DIS3L2: variants seen among roughly 807,000 people sequenced by gnomAD.
DIS3L2 encodes the protein DIS3-like exonuclease 2.
Under a neutral mutation model 97.5 loss-of-function variants are expected in DIS3L2, and 34 were observed. That is an observed-to-expected ratio of 0.35 (90% confidence interval 0.27 to 0.46). The LOEUF is 0.46. DIS3L2 is among the 20% of genes least tolerant of loss of function. The pLI, the probability that DIS3L2 is intolerant of heterozygous loss-of-function variation, is 1.00. For synonymous variants in DIS3L2, 435 were observed against 445.2 expected (o/e 0.98, Z 0.29); for missense variants, 1,038 against 1,146.0 (o/e 0.91, Z 1.36).
chr2:232,214,582 C>G (rs1692281501), intron 10 of DIS3L2, among the ~76,000 whole-genome samples: 1 of 152,170 alleles, frequency 6.6e-6, no homozygotes, highest in South Asian at 2.1e-4. Flanking sequence ...GTGAGCCCAT[C>G]TCCCATGTCA....
chr2:232,186,100 G>A (rs1691423397), intron 9 of DIS3L2, among the ~76,000 whole-genome samples: 1 of 152,034 alleles, frequency 6.6e-6, no homozygotes, highest in Admixed American at 6.5e-5. Flanking sequence ...CAAAGTGCTG[G>A]GATTATAGGC....
intron 9 of DIS3L2, among the ~76,000 whole-genome samples, chr2:232,183,979 G>A (rs147900998): frequency 2.9e-3 from 447 of 152,278 alleles, no homozygotes; most frequent in African/African-American, 9.8e-3. Context: ...TTTAAGGCTG[G>A]AGAGAGAGAT....
intron 19 of DIS3L2, 153 bp from the exon 20 acceptor site, chr2:232,335,620 C>T: frequency 1.2e-6 from 1 of 804,692 alleles, no homozygotes; most frequent in East Asian, 2.7e-5. Context: ...TGAAGGTGGC[C>T]TGGCAGGGCC....
intron 5 of DIS3L2, among the ~76,000 whole-genome samples, chr2:232,036,493 A>T (rs1405862364): frequency 2.0e-5 from 3 of 152,102 alleles, no homozygotes; most frequent in Non-Finnish European, 2.9e-5. Flanking sequence ...GGAGTTTGTT[A>T]TTACCCACTT....
At chr2:231,971,486 C>T (rs961100699) in intron 1 of DIS3L2, among the ~76,000 whole-genome samples, 3 of 150,778 alleles carry the variant, frequency 2.0e-5, no homozygotes, top group East Asian at 2.0e-4. Flanking sequence ...CTCGCACTCT[C>T]GCCCAGGCTG....
chr2:232,257,013 G>C lies in DIS3L2; in HGVS notation c.1426-6194G>C, dbSNP rs140998252. ...GGCACCTGTAGTCCCAGCTACTTGG[G>C]AGGCTGAGGCAGGAGAATTGCTTGA... On this transcript the variant is annotated intron_variant, in intron 12 of 20. Transcript: ENST00000325385. Among the ~76,000 whole-genome samples, 229 of 152,296 alleles carry C rather than the reference G, an allele frequency of 1.5e-3. 4 individuals are homozygous for C. Among genetic ancestry groups the C allele is most frequent in the African/African-American group, 5.3e-3 (221 of 41,564 alleles).
chr2:232,005,313 A>G (rs1159615908), intron 1 of DIS3L2, among the ~76,000 whole-genome samples: 1 of 151,120 alleles, frequency 6.6e-6, no homozygotes, highest in African/African-American at 2.4e-5. Flanking sequence ...TTAGGCCTTT[A>G]TAATGTTGCG....
intron 6 of DIS3L2, among the ~76,000 whole-genome samples, chr2:232,090,985 T>G (rs2106313445): frequency 6.6e-6 from 1 of 152,346 alleles, no homozygotes; most frequent in South Asian, 2.1e-4. Context: ...CAGTAGTTTC[T>G]TTGAGGACGA....
At chr2:232,052,822 A>G (rs1224916804) in intron 5 of DIS3L2, among the ~76,000 whole-genome samples, 2 of 152,170 alleles carry the variant, frequency 1.3e-5, no homozygotes, top group East Asian at 1.9e-4. Context: ...TGTTTTTCAC[A>G]TATTATAGGG....
intron 9 of DIS3L2, among the ~76,000 whole-genome samples, chr2:232,194,950 A>G (rs985428905): frequency 6.6e-6 from 1 of 152,194 alleles, no homozygotes; most frequent in African/African-American, 2.4e-5. Context: ...ACAAACAGTT[A>G]TTATGAGCAT....
At position 232,020,034 on chromosome 2, in the gene DIS3L2, G is replaced by T. The variant is rs1694468438; in HGVS notation, c.211-4243G>T. Among the ~76,000 whole-genome samples the T allele has an allele frequency of 2.0e-5, 3 of 152,068 alleles. No individual in the cohort carries two copies. In the South Asian group the frequency reaches 6.2e-4, roughly 32 times the overall value. ...AGAACATAGGTGGATAGCTCAGCTAGTAGAACAGCAGCAAGCAGAAGAAGG... is the reference window on the plus strand; with the variant it reads ...AGAACATAGGTGGATAGCTCAGCTATTAGAACAGCAGCAAGCAGAAGAAGG... On this transcript the variant is annotated intron_variant, in intron 3 of 20. Coordinates refer to ENST00000325385, the MANE Select transcript of DIS3L2 (RefSeq NM_152383.5).
chr2:232,334,998 T>C (rs1695893449), intron 19 of DIS3L2: 1 of 474,004 alleles, frequency 2.1e-6, no homozygotes, highest in East Asian at 3.8e-5. Flanking sequence ...CGGCAGGGTG[T>C]GCAGGCTTTG....
Position 232,163,525 on chromosome 2 carries a change from G to A in DIS3L2, c.1017G>A (p.Glu339=), listed in dbSNP as rs1399915826. 6.2e-7 allele frequency: 1 copy of A among 1,614,166 alleles called. No homozygotes were observed. The highest frequency in any genetic ancestry group is 1.1e-5 in the South Asian group (1 of 91,072). ...CTGAAACAGAAGGAATACTAACAGA[G>A]TATGGCGTGGATTTCTCTGATTTCT... ...IEPETEGILT[E]YGVDFSDFSS... Residue 339 remains glutamate (E), a synonymous_variant, in exon 9 of 21, where the codon GAG becomes GAA. Coordinates refer to ENST00000325385, the MANE Select transcript of DIS3L2 (RefSeq NM_152383.5).
In DIS3L2 at chr2:232,336,486, C is replaced by G; in HGVS notation, c.2514C>G (p.Ser838Arg). Residue 838 changes from serine to arginine, a missense_variant, in exon 21 of 21, where the codon AGC becomes AGG. This residue lies in a region of DIS3L2 where 221 missense variants were observed against 246.9 expected (regional missense o/e 0.90). Transcript: ENST00000325385. ...CTGCACAGGTCATCACCATCTTCAGCCTGGTGGAGGTGGTCCTGCAGGCAG... is the reference window on the plus strand; with the variant it reads ...CTGCACAGGTCATCACCATCTTCAGGCTGGTGGAGGTGGTCCTGCAGGCAG... ...EPAQQVITIF[S>R]LVEVVLQAES... is the part of the protein sequence containing the mutation. 1 of 1,611,316 alleles carries G rather than the reference C, an allele frequency of 6.2e-7. No individual in the cohort carries two copies.
chr2:232,134,136 C>G lies in DIS3L2; in HGVS notation c.703-2336C>G, dbSNP rs577878889. On this transcript the variant is annotated intron_variant, in intron 7 of 20. Transcript: ENST00000325385. ...AACTTGAGGAGATCAGTAGAATTAA[C>G]CCAATTTGAACAAAGAAAGTATAGA... Among the ~76,000 whole-genome samples the G allele has an allele frequency of 2.6e-5, 4 of 152,066 alleles. No homozygotes were observed. In the East Asian group the frequency reaches 5.8e-4, roughly 22 times the overall value.
At chr2:232,120,081 C>T (rs1407295883) in intron 6 of DIS3L2, among the ~76,000 whole-genome samples, 1 of 152,160 alleles carries the variant, frequency 6.6e-6, no homozygotes, top group African/African-American at 2.4e-5. Flanking sequence ...TACCCAGCCT[C>T]TACCATAAGA....
At chr2:232,309,480 GGA>G (rs1375949447) in intron 14 of DIS3L2, among the ~76,000 whole-genome samples, 6 of 151,992 alleles carry the variant, frequency 3.9e-5, no homozygotes, top group East Asian at 3.9e-4. Context: ...GGCTGGGTAG[GGA>G]GAGTCTCAGG....
intron 10 of DIS3L2, among the ~76,000 whole-genome samples, chr2:232,227,158 T>G (rs1692672652): frequency 6.6e-6 from 1 of 152,254 alleles, no homozygotes; most frequent in African/African-American, 2.4e-5. Flanking sequence ...TTGAAAATCA[T>G]ACTATGTCTA....
intron 6 of DIS3L2, among the ~76,000 whole-genome samples, chr2:232,127,348 C>T (rs1380612306): frequency 6.6e-6 from 1 of 152,188 alleles, no homozygotes; most frequent in Non-Finnish European, 1.5e-5. Context: ...CCACTATCAA[C>T]CTAATTGCTA....
Sources: gnomAD v4.1 joint callset for allele counts (sites outside exome capture counted in the v4.1 genomes callset) on GRCh38, gnomAD v4.1.1 for gene constraint, gnomAD v4.1.1 regional missense constraint, MANE v1.5 for transcripts, NCBI Gene and HGNC (gene_info 2026-07-23, HGNC 2026-07-21) for gene names.